The following GALNT13 variants were observed in gnomAD, a reference collection of about 807,000 sequenced individuals.
The protein encoded by GALNT13 is polypeptide N-acetylgalactosaminyltransferase 13.
Under a neutral mutation model 64.2 loss-of-function variants are expected in GALNT13, and 28 were observed. That is an observed-to-expected ratio of 0.44 (90% confidence interval 0.32 to 0.60). The LOEUF (loss-of-function observed/expected upper bound fraction) is 0.60, where lower values mean the gene tolerates loss of function less well. Ranked by LOEUF, GALNT13 falls within the 20% of genes least tolerant of loss-of-function variation. GALNT13 has a pLI of 0.05. For missense variants in GALNT13, 577 were observed against 669.8 expected (o/e 0.86, Z 1.53); for synonymous variants, 214 against 224.6 (o/e 0.95, Z 0.42).
At chr2:153,117,285 C>G in the GALNT13 span, among the ~76,000 whole-genome samples, 1 of 152,134 alleles carries the variant, frequency 6.6e-6, no homozygotes, top group Non-Finnish European at 1.5e-5. Flanking sequence ...ACTTTCTTAA[C>G]AAACCACTCT....
chr2:154,411,317 TACACACACACACACAC>T (rs59114913), intron 11 of GALNT13, among the ~76,000 whole-genome samples: 61 of 147,880 alleles, frequency 4.1e-4, no homozygotes, highest in Non-Finnish European at 6.6e-4. Context: ...TAATTGCACA[TACACACACACACACAC>T]ACACACACAC....
chr2:153,242,302 A>G, the GALNT13 span, among the ~76,000 whole-genome samples: 1 of 152,144 alleles, frequency 6.6e-6, no homozygotes. Flanking sequence ...CCCATCATGG[A>G]TAGCTTCTGA....
At chr2:153,799,442 A>G in the GALNT13 span, among the ~76,000 whole-genome samples, 1 of 152,130 alleles carries the variant, frequency 6.6e-6, no homozygotes, top group Non-Finnish European at 1.5e-5. Flanking sequence ...TAGTGTTTGT[A>G]TATGCTAATA....
chr2:153,984,614 A>G (rs554121397), intron 3 of GALNT13, among the ~76,000 whole-genome samples: 9 of 151,974 alleles, frequency 5.9e-5, no homozygotes, highest in African/African-American at 2.2e-4. Context: ...ATTTACAAAC[A>G]ATCATATTCA....
At chr2:153,394,710 A>G in the GALNT13 span, among the ~76,000 whole-genome samples, 2 of 152,160 alleles carry the variant, frequency 1.3e-5, no homozygotes, top group South Asian at 4.1e-4. Flanking sequence ...CTTTCCAACC[A>G]TAAGGAAAAG....
At chr2:154,166,969 G>C (rs1190409682) in intron 4 of GALNT13, among the ~76,000 whole-genome samples, 1 of 151,830 alleles carries the variant, frequency 6.6e-6, no homozygotes, top group Admixed American at 6.6e-5. Context: ...ACACACCGGG[G>C]CCTGTTGTGG....
chr2:153,309,528 CTT>C, the GALNT13 span, among the ~76,000 whole-genome samples: 4,040 of 149,240 alleles, frequency 0.027, 186 homozygotes, highest in African/African-American at 0.089. Flanking sequence ...TCTTGAAGCA[CTT>C]TTTTTTTTTT....
chr2:153,791,419 C>G, the GALNT13 span, among the ~76,000 whole-genome samples: 2 of 151,990 alleles, frequency 1.3e-5, no homozygotes, highest in African/African-American at 4.8e-5. Context: ...ATTAAAAAGT[C>G]AAAAAATAAC....
chr2:153,686,208 T>C, the GALNT13 span, among the ~76,000 whole-genome samples: 2 of 151,720 alleles, frequency 1.3e-5, no homozygotes, highest in Non-Finnish European at 2.9e-5. Context: ...TTAATAGGCA[T>C]AGCATTAAAT....
At chr2:154,195,320 C>T (rs902266544) in intron 4 of GALNT13, among the ~76,000 whole-genome samples, 1 of 152,124 alleles carries the variant, frequency 6.6e-6, no homozygotes, top group Non-Finnish European at 1.5e-5. Context: ...TTTCAAGTTA[C>T]AGTGCTATTA....
intron 7 of GALNT13, among the ~76,000 whole-genome samples, chr2:154,251,944 G>A (rs542838638): frequency 1.3e-5 from 2 of 152,002 alleles, no homozygotes; most frequent in African/African-American, 4.8e-5. Flanking sequence ...AAAATCAGAC[G>A]TGAAGATTTC....
At chr2:154,143,103 G>T (rs1335878753) in intron 4 of GALNT13, among the ~76,000 whole-genome samples, 1 of 152,130 alleles carries the variant, frequency 6.6e-6, no homozygotes, top group Non-Finnish European at 1.5e-5. Context: ...TGGATTGGGG[G>T]TTGGGGGTGA....
At chr2:153,110,538 G>A in the GALNT13 span, among the ~76,000 whole-genome samples, 1 of 152,080 alleles carries the variant, frequency 6.6e-6, no homozygotes, top group Non-Finnish European at 1.5e-5. Context: ...TAAAGGAAAG[G>A]CCTTTGGACT....
intron 4 of GALNT13, among the ~76,000 whole-genome samples, chr2:154,210,835 T>C (rs540348003): frequency 6.6e-6 from 1 of 152,198 alleles, no homozygotes; most frequent in Admixed American, 6.5e-5. Flanking sequence ...TGATGATAGA[T>C]AAAAGAAGAT....
At position 154,357,194 on chromosome 2, in the gene GALNT13, AATCTCTAAG is replaced by A. The variant is rs1385748264; in HGVS notation, c.1157-38790_1157-38782del. Among the ~76,000 whole-genome samples the A allele has an allele frequency of 2.0e-5, 3 of 152,192 alleles. No homozygotes were observed. In the East Asian group the frequency reaches 5.8e-4, roughly 29 times the overall value. The stretch of plus-strand genomic sequence containing the variant: ...ATTAAAGACATAGAATCATTAAAAT[AATCTCTAAG>A]ATCTCTTTTAGCTCTTAACTTTCTA... On this transcript the variant is annotated intron_variant, in intron 9 of 12. Transcript: ENST00000392825.
the GALNT13 span, among the ~76,000 whole-genome samples, chr2:153,177,314 A>G: frequency 2.6e-5 from 4 of 152,236 alleles, no homozygotes; most frequent in South Asian, 8.3e-4. Context: ...TTTAAAATGT[A>G]TATCTAAAAA....
chr2:153,204,856 C>G, the GALNT13 span, among the ~76,000 whole-genome samples: 1 of 151,972 alleles, frequency 6.6e-6, no homozygotes, highest in African/African-American at 2.4e-5. Context: ...AAGGTATTCT[C>G]TATTGAAGAA....
the GALNT13 span, among the ~76,000 whole-genome samples, chr2:153,837,094 C>T: frequency 1.3e-5 from 2 of 149,020 alleles, no homozygotes; most frequent in African/African-American, 2.4e-5. Flanking sequence ...CTGACTTCCA[C>T]AATGGTTGAA....
the GALNT13 span, among the ~76,000 whole-genome samples, chr2:153,439,246 A>T: frequency 6.6e-6 from 1 of 152,158 alleles, no homozygotes; most frequent in African/African-American, 2.4e-5. Context: ...GGTGGCTCCC[A>T]GTTAGGCTCC....
Sources: allele counts gnomAD v4.1 joint callset (sites outside exome capture counted in the v4.1 genomes callset), GRCh38; gene constraint gnomAD v4.1.1; transcripts MANE v1.5; gene names NCBI Gene and HGNC (gene_info 2026-07-23, HGNC 2026-07-21).